Variants in ZNF536 observed in about 807,000 individuals in gnomAD.
ZNF536 encodes the protein zinc finger protein 536.
A neutral mutation model predicts 84.5 loss-of-function variants in ZNF536; 13 were observed. The observed-to-expected ratio is 0.15, with a 90% CI of 0.10 to 0.24. ZNF536 has a LOEUF of 0.24. Among genes scored for constraint, ZNF536 ranks in the 10% least tolerant of loss-of-function variants. ZNF536 has a pLI of 1.00. For missense variants in ZNF536, 1,536 were observed against 1,747.5 expected, an observed-to-expected ratio of 0.88 and a Z score of 2.16; for synonymous variants, 811 against 742.5, an observed-to-expected ratio of 1.09 and a Z score of -1.50.
At chr19:30,363,355 C>G (rs1489833980) in intron 3 of ZNF536, among the ~76,000 whole-genome samples, 1 of 152,126 alleles carries the variant, frequency 6.6e-6, no homozygotes, top group African/African-American at 2.4e-5. Flanking sequence ...CAGGAGGCAG[C>G]CTATCACCAG....
intron 2 of ZNF536, among the ~76,000 whole-genome samples, chr19:30,339,080 G>A (rs1322760285): frequency 1.3e-5 from 2 of 152,208 alleles, no homozygotes; most frequent in African/African-American, 2.4e-5. Flanking sequence ...GGCTTTTGGC[G>A]GTGGTGCTTA....
chr19:30,243,271 A>C lies in ZNF536; in HGVS notation c.-190+14598A>C, dbSNP rs141967641. Among the ~76,000 whole-genome samples, 628 of 152,262 alleles carry C rather than the reference A, an allele frequency of 4.1e-3. 7 individuals are homozygous for C. Among genetic ancestry groups the C allele is most frequent in the African/African-American group, 0.015 (605 of 41,574 alleles). On this transcript the variant is annotated intron_variant, in intron 1 of 5. Transcript: ENST00000585628. ...TATGTTGGCAATTGTCCACTCATTAATTTGATTATTTTAAAGTAAGCTATA... is the reference window on the plus strand; with the variant it reads ...TATGTTGGCAATTGTCCACTCATTACTTTGATTATTTTAAAGTAAGCTATA...
In ZNF536 at chr19:30,341,290, T is replaced by A. The variant is rs527937114; in HGVS notation, c.-119-11078T>A. ...CAAGGAAAAAAATAGTTTGTTGAGA[T>A]TGCAGTGATGTTGGGAACCGTGAAG... is the stretch of plus-strand genomic sequence containing the variant. On this transcript the variant is annotated intron_variant, in intron 2 of 5. Coordinates refer to the ZNF536 transcript ENST00000585628. Among the ~76,000 whole-genome samples the A allele has an allele frequency of 2.8e-3, 432 of 152,312 alleles. 4 individuals carry two copies. Among genetic ancestry groups the A allele is most frequent in the Middle Eastern group, 6.8e-3 (2 of 294 alleles).
At chr19:30,283,405 A>G (rs10426281) in intron 1 of ZNF536, among the ~76,000 whole-genome samples, 18,572 of 152,226 alleles carry the variant, frequency 0.12, 2,887 homozygotes, top group African/African-American at 0.35. Context: ...ACCTCTGAGC[A>G]TGCCGTAGGA....
chr19:30,410,637 G>A (rs1157089331), intron 1 of ZNF536, among the ~76,000 whole-genome samples: 2 of 152,138 alleles, frequency 1.3e-5, no homozygotes, highest in African/African-American at 4.8e-5. Context: ...ACCACGCCCG[G>A]CTAATTTTTT....
chr19:30,290,991 A>T (rs536010575), intron 2 of ZNF536, among the ~76,000 whole-genome samples: 1 of 152,180 alleles, frequency 6.6e-6, no homozygotes, highest in African/African-American at 2.4e-5. Context: ...TTCCAGCTTC[A>T]TCCATGTCCC....
At chr19:30,699,641 G>A (rs1034636867) in intron 1 of ZNF536, among the ~76,000 whole-genome samples, 1 of 152,042 alleles carries the variant, frequency 6.6e-6, no homozygotes, top group African/African-American at 2.4e-5. Context: ...CTGAGAAAAC[G>A]GCTCTCTCTG....
chr19:30,275,681 TG>T (rs1262439101), intron 1 of ZNF536, among the ~76,000 whole-genome samples: 1 of 152,140 alleles, frequency 6.6e-6, no homozygotes, highest in Non-Finnish European at 1.5e-5. Context: ...CATCAATAAA[TG>T]ATAATACCCA....
intron 1 of ZNF536, among the ~76,000 whole-genome samples, chr19:30,570,048 A>G (rs1451477948): frequency 6.6e-6 from 1 of 152,138 alleles, no homozygotes; most frequent in Non-Finnish European, 1.5e-5. Flanking sequence ...AAATGCCTAC[A>G]ATGCACAGGA....
intron 1 of ZNF536, among the ~76,000 whole-genome samples, chr19:30,609,355 T>C (rs191571972): frequency 6.6e-6 from 1 of 152,332 alleles, no homozygotes; most frequent in Admixed American, 6.5e-5. Flanking sequence ...TTCTATACAA[T>C]TTCTAATTAC....
At chr19:30,687,548 T>A (rs2051239067) in intron 1 of ZNF536, among the ~76,000 whole-genome samples, 1 of 152,198 alleles carries the variant, frequency 6.6e-6, no homozygotes, top group Non-Finnish European at 1.5e-5. Context: ...CTAAATCTCT[T>A]ATTATAAATA....
intron 1 of ZNF536, among the ~76,000 whole-genome samples, chr19:30,697,239 C>T (rs2051701167): frequency 6.6e-6 from 1 of 152,160 alleles, no homozygotes; most frequent in Non-Finnish European, 1.5e-5. Flanking sequence ...GATCCAATCA[C>T]CTCCCACCAG....
chr19:30,426,042 GT>G (rs2051199357), intron 1 of ZNF536, among the ~76,000 whole-genome samples: 1 of 152,268 alleles, frequency 6.6e-6, no homozygotes, highest in South Asian at 2.1e-4. Context: ...GTCGGGGCTG[GT>G]AGCACACCCC....
chr19:30,318,693 C>T (rs558855724), intron 2 of ZNF536, among the ~76,000 whole-genome samples: 6 of 152,328 alleles, frequency 3.9e-5, no homozygotes, highest in Admixed American at 6.5e-5. Context: ...GTGTGCATGG[C>T]GCACATGTGT....
chr19:30,526,942 G>C (rs1313455039), intron 2 of ZNF536, among the ~76,000 whole-genome samples: 1 of 151,612 alleles, frequency 6.6e-6, no homozygotes, highest in Middle Eastern at 3.4e-3. Context: ...TTTTTGAGAC[G>C]GATTTTCACT....
chr19:30,413,010 T>G (rs1195904041), intron 1 of ZNF536, among the ~76,000 whole-genome samples: 2 of 151,922 alleles, frequency 1.3e-5, no homozygotes, highest in African/African-American at 2.4e-5. Context: ...TTTAATGGTA[T>G]AAAGTTGTTC....
At chr19:30,490,444 C>A (rs1408225764) in intron 2 of ZNF536, among the ~76,000 whole-genome samples, 3 of 152,114 alleles carry the variant, frequency 2.0e-5, no homozygotes. Context: ...ACACAGGGGT[C>A]TGAGGAGGAA....
intron 1 of ZNF536, among the ~76,000 whole-genome samples, chr19:30,405,668 G>A (rs565755445): frequency 1.3e-5 from 2 of 152,216 alleles, no homozygotes; most frequent in African/African-American, 4.8e-5. Context: ...TTTCAGAACC[G>A]GTGTGATCAG....
At chr19:30,632,607 AAACC>A (rs1174345158) in intron 1 of ZNF536, among the ~76,000 whole-genome samples, 1 of 149,162 alleles carries the variant, frequency 6.7e-6, no homozygotes. Context: ...ATCCATCTCA[AAACC>A]AACCAATCAA....
Sources: allele counts gnomAD v4.1 joint callset (sites outside exome capture counted in the v4.1 genomes callset), GRCh38; gene constraint gnomAD v4.1.1; transcripts MANE v1.5; gene names NCBI Gene and HGNC (gene_info 2026-07-23, HGNC 2026-07-21).